Variants in NEDD1 observed in about 807,000 individuals in gnomAD.
NEDD1 encodes the protein protein NEDD1.
In NEDD1, 33 loss-of-function variants were observed where a neutral mutation model predicts 74.0. The observed-to-expected ratio is 0.45, with a 90% CI of 0.34 to 0.60. NEDD1 has a LOEUF of 0.60. Among genes scored for constraint, NEDD1 ranks in the 20% least tolerant of loss-of-function variants. The pLI, the probability that NEDD1 is intolerant of heterozygous loss-of-function variation, is 0.01. For synonymous variants in NEDD1, 250 were observed against 264.4 expected, an observed-to-expected ratio of 0.95 and a Z score of 0.53; for missense variants, 746 against 776.5, an observed-to-expected ratio of 0.96 and a Z score of 0.47.
intron 6 of NEDD1, among the ~76,000 whole-genome samples, chr12:96,928,828 A>T (rs1390360635): frequency 6.6e-6 from 1 of 151,502 alleles, no homozygotes; most frequent in Non-Finnish European, 1.5e-5. Flanking sequence ...CTGCGACTAC[A>T]GGCGCCTGCT....
chr12:96,907,494 G>A, intron 1 of NEDD1, 110 bp from the exon 2 acceptor site: 1 of 898,156 alleles, frequency 1.1e-6, no homozygotes, highest in Non-Finnish European at 1.8e-6. Context: ...CGCGGGCCGG[G>A]GTCGCGCACC....
chr12:96,918,185 G>A (rs1404087369), intron 5 of NEDD1, among the ~76,000 whole-genome samples: 2 of 151,178 alleles, frequency 1.3e-5, no homozygotes, highest in African/African-American at 2.4e-5. Flanking sequence ...TTTTGTGTGT[G>A]TGTGTTTGTA....
chr12:96,946,090 A>C (rs1273384848), intron 14 of NEDD1, among the ~76,000 whole-genome samples: 1 of 152,162 alleles, frequency 6.6e-6, no homozygotes, highest in Non-Finnish European at 1.5e-5. Flanking sequence ...TCTAGCAGGT[A>C]GACTGCCATT....
In NEDD1 at chr12:96,917,673, G is replaced by A. The variant is rs1449416113; in HGVS notation, c.284G>A (p.Gly95Glu). ...TCTACATCTATGTATTTGGTAAGCGGAGGCCTAAATAACACTGTTAATATT... is the reference window on the plus strand; with the variant it reads ...TCTACATCTATGTATTTGGTAAGCGAAGGCCTAAATAACACTGTTAATATT... ...LNSTSMYLVSGGLNNTVNIWD... is the reference protein window; with the variant it reads ...LNSTSMYLVSEGLNNTVNIWD... The change falls in exon 5 of 16, where the codon GGA (glycine) becomes GAA (glutamate). Residue 95 changes from glycine (G) to glutamate (E), a missense_variant. Around this residue, in one of 3 missense-constraint regions of NEDD1, gnomAD observed 706 missense variants for 706.7 expected, o/e 1.00. Transcript: ENST00000266742. 6.4e-7 allele frequency: 1 copy of A among 1,558,442 alleles called. No homozygotes were observed.
Position 96,936,759 on chromosome 12 carries a change from C to T in NEDD1, c.868C>T (p.His290Tyr). The change falls in exon 8 of 16, where the codon CAC becomes TAC. Residue 290 changes from histidine to tyrosine, a missense_variant. His to Tyr is a moderately conservative substitution (Grantham distance 83). This residue lies in a region of NEDD1 where 706 missense variants were observed against 706.7 expected (regional missense o/e 1.00). Transcript: ENST00000266742. ...LKSPVKTISA[H>Y]KTSVQCIAFQ... Reference sequence around the variant, plus strand: ...ATCACCAGTTAAGACCATCAGTGCTCACAAGACATCTGTGCAGTGTATAGC... The same window carrying T: ...ATCACCAGTTAAGACCATCAGTGCTTACAAGACATCTGTGCAGTGTATAGC... 1 of 1,612,778 alleles carries T rather than the reference C, an allele frequency of 6.2e-7. No homozygotes were observed.
At chr12:96,921,662 A>ATTT (rs57918937) in intron 6 of NEDD1, among the ~76,000 whole-genome samples, 3,826 of 149,288 alleles carry the variant, frequency 0.026, 99 homozygotes, top group African/African-American at 0.065. Flanking sequence ...TAGAAGAGGG[A>ATTT]TTTTTTTTTT....
intron 12 of NEDD1, among the ~76,000 whole-genome samples, chr12:96,944,328 C>T (rs1877975527): frequency 6.6e-6 from 1 of 151,922 alleles, no homozygotes; most frequent in African/African-American, 2.4e-5. Context: ...ATATTATTGA[C>T]TGGTTACCAC....
chr12:96,936,761 C>T lies in NEDD1; in HGVS notation c.870C>T (p.His290=). ...CACCAGTTAAGACCATCAGTGCTCA[C>T]AAGACATCTGTGCAGTGTATAGCAT... is the stretch of plus-strand genomic sequence containing the variant. ...LKSPVKTISA[H]KTSVQCIAFQ... Residue 290 remains histidine, a synonymous_variant, in exon 8 of 16, where the codon CAC becomes CAT. Coordinates refer to ENST00000266742, the MANE Select transcript of NEDD1 (RefSeq NM_152905.4). The T allele has an allele frequency of 1.2e-6, 2 of 1,612,716 alleles. No individual in the cohort carries two copies. The highest frequency in any genetic ancestry group is 8.5e-7 in the Non-Finnish European group (1 of 1,178,814).
At chr12:96,927,626 T>A (rs1875856395) in intron 6 of NEDD1, among the ~76,000 whole-genome samples, 1 of 152,252 alleles carries the variant, frequency 6.6e-6, no homozygotes, top group African/African-American at 2.4e-5. Flanking sequence ...TCTGTGACAT[T>A]TCAGTATATG....
intron 4 of NEDD1, among the ~76,000 whole-genome samples, chr12:96,913,758 T>A (rs1874161695): frequency 9.0e-6 from 1 of 110,962 alleles, no homozygotes; most frequent in South Asian, 2.5e-4. Flanking sequence ...GAAAGCTATT[T>A]CTTTTTTAAA....
chr12:96,920,219 A>T (rs2136531019), intron 6 of NEDD1, 94 bp downstream of exon 6: 1 of 745,048 alleles, frequency 1.3e-6, no homozygotes, highest in South Asian at 2.9e-5. Flanking sequence ...GAAATGCTTG[A>T]TTGAAAAACT....
intron 9 of NEDD1, 63 bp from the exon 10 acceptor site, chr12:96,940,346 C>G (rs981249796): frequency 6.0e-6 from 6 of 997,156 alleles, no homozygotes; most frequent in Non-Finnish European, 8.9e-6. Context: ...TTTTTACAAC[C>G]TAGCTTATGA....
At chr12:96,916,100 C>A (rs982805971) in intron 4 of NEDD1, among the ~76,000 whole-genome samples, 3 of 151,646 alleles carry the variant, frequency 2.0e-5, no homozygotes, top group Admixed American at 6.6e-5. Flanking sequence ...AATGGAAGGT[C>A]AGTATGGCTG....
intron 9 of NEDD1, among the ~76,000 whole-genome samples, chr12:96,937,938 C>T (rs1703156754): frequency 6.6e-6 from 1 of 151,974 alleles, no homozygotes; most frequent in Non-Finnish European, 1.5e-5. Flanking sequence ...AAAAAATATT[C>T]TGTAAATTCC....
chr12:96,919,446 A>G (rs1309586718), intron 5 of NEDD1, among the ~76,000 whole-genome samples: 1 of 152,192 alleles, frequency 6.6e-6, no homozygotes, highest in Non-Finnish European at 1.5e-5. Flanking sequence ...GTAGGTTCTC[A>G]GCAAATGGAA....
chr12:96,911,285 G>A (rs1399071114), intron 3 of NEDD1, among the ~76,000 whole-genome samples: 6 of 152,186 alleles, frequency 3.9e-5, no homozygotes, highest in African/African-American at 1.4e-4. Context: ...TTTGTTTTAA[G>A]TTTTACTAGG....
chr12:96,949,580 A>T (rs1408607205), intron 14 of NEDD1, among the ~76,000 whole-genome samples: 2 of 152,142 alleles, frequency 1.3e-5, no homozygotes, highest in Non-Finnish European at 2.9e-5. Flanking sequence ...GGAAGGAAAA[A>T]AATCTAAGAA....
intron 6 of NEDD1, among the ~76,000 whole-genome samples, chr12:96,924,519 A>T (rs189836538): frequency 6.6e-5 from 10 of 152,292 alleles, no homozygotes; most frequent in Non-Finnish European, 1.0e-4. Flanking sequence ...GGGCTTGCAT[A>T]TCTTTTAGTA....
chr12:96,926,548 GA>G (rs1244533332), intron 6 of NEDD1, among the ~76,000 whole-genome samples: 1 of 151,060 alleles, frequency 6.6e-6, no homozygotes, highest in Non-Finnish European at 1.5e-5. Flanking sequence ...TAAACCTTTG[GA>G]ATTTTTTTTT....
Sources: allele counts gnomAD v4.1 joint callset (sites outside exome capture counted in the v4.1 genomes callset), GRCh38; gene constraint gnomAD v4.1.1; regional missense constraint gnomAD v4.1.1; transcripts MANE v1.5; gene names NCBI Gene and HGNC (gene_info 2026-07-23, HGNC 2026-07-21).